CNTNAP2: variants seen among roughly 807,000 people sequenced by gnomAD.
CNTNAP2 encodes contactin associated protein 2, also known as contactin-associated protein-like 2.
A neutral mutation model predicts 155.2 loss-of-function variants in CNTNAP2; 98 were observed. The observed-to-expected ratio is 0.63, with a 90% CI of 0.54 to 0.75. CNTNAP2 has a LOEUF of 0.75. CNTNAP2 is among the 30% of genes least tolerant of loss of function. The probability of loss-of-function intolerance (pLI) is 0.00; values close to 1 mark genes in which losing one functional copy is unlikely to be tolerated. For synonymous variants in CNTNAP2, 651 were observed against 631.2 expected (o/e 1.03, Z -0.47); for missense variants, 1,727 against 1,688.1 (o/e 1.02, Z -0.40).
chr7:146,874,213 A>C (rs896729544), intron 3 of CNTNAP2, among the ~76,000 whole-genome samples: 1 of 152,222 alleles, frequency 6.6e-6, no homozygotes, highest in Non-Finnish European at 1.5e-5. Context: ...GTTTAGGAAA[A>C]GTTTATTAAA....
chr7:148,188,186 T>C (rs1354098122), intron 18 of CNTNAP2, among the ~76,000 whole-genome samples: 1 of 152,246 alleles, frequency 6.6e-6, no homozygotes. Flanking sequence ...TTGAAATTCC[T>C]GACTTGTTCC....
intron 3 of CNTNAP2, among the ~76,000 whole-genome samples, chr7:146,927,953 T>C (rs1012255700): frequency 8.0e-6 from 1 of 124,264 alleles, no homozygotes; most frequent in African/African-American, 2.9e-5. Context: ...AGTTATATAA[T>C]GTGTGTGTAT....
At chr7:146,775,072 T>C (rs1158801167) in intron 2 of CNTNAP2, among the ~76,000 whole-genome samples, 1 of 152,204 alleles carries the variant, frequency 6.6e-6, no homozygotes, top group Non-Finnish European at 1.5e-5. Flanking sequence ...GAAACAATAT[T>C]ATCTCAGATA....
chr7:148,247,595 TTCTCTCTCTC>T (rs140317251), intron 20 of CNTNAP2, among the ~76,000 whole-genome samples: 9 of 132,928 alleles, frequency 6.8e-5, no homozygotes, highest in African/African-American at 2.4e-4. Context: ...GCTTCTCCCA[TTCTCTCTCTC>T]TCTCTCTCTC....
intron 13 of CNTNAP2, among the ~76,000 whole-genome samples, chr7:147,782,993 A>G (rs1318726334): frequency 6.6e-6 from 1 of 152,236 alleles, no homozygotes; most frequent in African/African-American, 2.4e-5. Flanking sequence ...TAGAAGCAGT[A>G]TCTTCTTATC....
chr7:148,108,961 C>T (rs77868823), intron 15 of CNTNAP2, among the ~76,000 whole-genome samples: 9,058 of 152,202 alleles, frequency 0.06, 311 homozygotes, highest in Non-Finnish European at 0.069. Flanking sequence ...TACAATTATA[C>T]ATTGTCAATT....
intron 3 of CNTNAP2, among the ~76,000 whole-genome samples, chr7:146,964,197 T>A (rs981601205): frequency 1.3e-5 from 2 of 152,234 alleles, no homozygotes; most frequent in African/African-American, 4.8e-5. Context: ...TTATTTTGAA[T>A]ACTGTGATCT....
chr7:147,124,332 C>G (rs1801189419), intron 6 of CNTNAP2, among the ~76,000 whole-genome samples: 1 of 152,128 alleles, frequency 6.6e-6, no homozygotes, highest in South Asian at 2.1e-4. Flanking sequence ...TCAATTCTTC[C>G]AGAGTACACT....
intron 10 of CNTNAP2, among the ~76,000 whole-genome samples, chr7:147,439,939 C>G (rs1797609739): frequency 6.6e-6 from 1 of 151,848 alleles, no homozygotes; most frequent in African/African-American, 2.4e-5. Flanking sequence ...TATCTTTTTC[C>G]ATCCCTTCAT....
chr7:147,437,724 G>T (rs1396000516), intron 10 of CNTNAP2, among the ~76,000 whole-genome samples: 3 of 152,138 alleles, frequency 2.0e-5, no homozygotes, highest in East Asian at 3.9e-4. Context: ...TTCTATTTCT[G>T]TAAAGAATGC....
intron 1 of CNTNAP2, among the ~76,000 whole-genome samples, chr7:146,250,151 T>C (rs1158378348): frequency 6.6e-6 from 1 of 152,178 alleles, no homozygotes; most frequent in Non-Finnish European, 1.5e-5. Flanking sequence ...CAAATTATAG[T>C]AACATCTTAG....
intron 8 of CNTNAP2, among the ~76,000 whole-genome samples, chr7:147,136,118 C>T (rs1801472555): frequency 6.6e-6 from 1 of 151,630 alleles, no homozygotes; most frequent in Non-Finnish European, 1.5e-5. Flanking sequence ...GAACAATACT[C>T]AGTTGTCGTC....
intron 14 of CNTNAP2, among the ~76,000 whole-genome samples, chr7:147,933,061 GTTTGTTT>G (rs1479310486): frequency 7.7e-4 from 4 of 5,198 alleles, no homozygotes; most frequent in Non-Finnish European, 4.2e-3. Context: ...GAGGGGGTTT[GTTTGTTT>G]GTTTGTTTGT....
chr7:146,890,317 CAAGTGAGAA>C (rs1462055509), intron 3 of CNTNAP2, among the ~76,000 whole-genome samples: 1 of 152,172 alleles, frequency 6.6e-6, no homozygotes, highest in East Asian at 1.9e-4. Flanking sequence ...GTCCTGACCA[CAAGTGAGAA>C]AATAAGCAGA....
intron 22 of CNTNAP2, among the ~76,000 whole-genome samples, chr7:148,399,099 T>TG (rs1799532238): frequency 6.6e-6 from 1 of 152,180 alleles, no homozygotes. Context: ...CAAAACTTGG[T>TG]GAGCACCCAT....
chr7:147,289,699 T>C (rs35622880), intron 8 of CNTNAP2, among the ~76,000 whole-genome samples: 5,218 of 152,312 alleles, frequency 0.034, 121 homozygotes, highest in Non-Finnish European at 0.052. Flanking sequence ...TCAGTAATGG[T>C]TGAAAAAGCT....
At chr7:147,113,687 G>A (rs958775030) in intron 5 of CNTNAP2, among the ~76,000 whole-genome samples, 8 of 152,194 alleles carry the variant, frequency 5.3e-5, no homozygotes, top group Admixed American at 2.6e-4. Context: ...CAACACATGG[G>A]GATTATAATT....
At chr7:146,661,266 A>G (rs1378022373) in intron 1 of CNTNAP2, among the ~76,000 whole-genome samples, 4 of 151,890 alleles carry the variant, frequency 2.6e-5, no homozygotes, top group Non-Finnish European at 5.9e-5. Flanking sequence ...TTAATCATCT[A>G]TACTTAAGGG....
chr7:146,585,547 G>A (rs1437277849), intron 1 of CNTNAP2, among the ~76,000 whole-genome samples: 2 of 151,940 alleles, frequency 1.3e-5, no homozygotes. Context: ...TATCTGAAAA[G>A]ATAAACTAAT....
Sources: allele counts gnomAD v4.1 joint callset (sites outside exome capture counted in the v4.1 genomes callset), GRCh38; gene constraint gnomAD v4.1.1; transcripts MANE v1.5; gene names NCBI Gene and HGNC (gene_info 2026-07-23, HGNC 2026-07-21).